Variants in CSNK1G2 observed in about 807,000 individuals in gnomAD.
CSNK1G2 encodes casein kinase 1 gamma 2.
CSNK1G2 carries 11 observed loss-of-function variants against 48.0 expected under a neutral mutation model. The ratio of observed to expected loss-of-function variants is 0.23; its 90% CI spans 0.14 to 0.38. CSNK1G2 has a LOEUF of 0.38. Ranked by LOEUF, CSNK1G2 falls within the 10% of genes least tolerant of loss-of-function variation. The pLI is 1.00. For missense variants in CSNK1G2, 446 were observed against 595.5 expected, an observed-to-expected ratio of 0.75 and a Z score of 2.61; for synonymous variants, 337 against 254.1, an observed-to-expected ratio of 1.33 and a Z score of -3.10.
At chr19:1,948,239 CCCGG>C (rs1265755930) in intron 1 of CSNK1G2, among the ~76,000 whole-genome samples, 1 of 152,184 alleles carries the variant, frequency 6.6e-6, no homozygotes, top group Non-Finnish European at 1.5e-5. Flanking sequence ...AATTAACGAT[CCCGG>C]CCGGGCGTGG....
At chr19:1,958,406 G>T (rs1322559777) in intron 1 of CSNK1G2, among the ~76,000 whole-genome samples, 1 of 151,868 alleles carries the variant, frequency 6.6e-6, no homozygotes, top group Non-Finnish European at 1.5e-5. Flanking sequence ...GCTCCTGCTA[G>T]GTGTCTAGAG....
chr19:1,975,796 G>A, intron 2 of CSNK1G2: 4 of 983,146 alleles, frequency 4.1e-6, no homozygotes, highest in Non-Finnish European at 4.8e-6. Context: ...AACACTTTGG[G>A]AGGCTGATGT....
chr19:1,948,907 CAT>C (rs1382241059), intron 1 of CSNK1G2, among the ~76,000 whole-genome samples: 7 of 152,186 alleles, frequency 4.6e-5, no homozygotes, highest in Non-Finnish European at 7.3e-5. Flanking sequence ...GAGACCAGAA[CAT>C]GTGGAGAAAA....
Position 1,978,738 on chromosome 19 carries a change from C to G in CSNK1G2, c.435C>G (p.Ile145Met). Reference sequence around the variant, plus strand: ...TCACGCTCAAGACGGTGCTGATGATCGCCATCCAGCTGGTGCGCGGCGGGC... The same window carrying G: ...TCACGCTCAAGACGGTGCTGATGATGGCCATCCAGCTGGTGCGCGGCGGGC... Reference protein sequence around the residue: ...RTFTLKTVLMIAIQLITRMEY... With the variant: ...RTFTLKTVLMMAIQLITRMEY... Residue 145 changes from isoleucine to methionine, a missense_variant, in exon 5 of 12, where the codon ATC becomes ATG. By Grantham distance (10) the Ile-to-Met change is conservative. Transcript: ENST00000255641. The surrounding 1 kb of genome is among the most constrained non-coding windows in gnomAD (Gnocchi z 7.3). The G allele has an allele frequency of 6.3e-7, 1 of 1,593,158 alleles. No homozygotes were observed. Among genetic ancestry groups the G allele is most frequent in the Non-Finnish European group, 8.5e-7 (1 of 1,170,054 alleles).
At position 1,979,366 on chromosome 19, in the gene CSNK1G2, C is replaced by T. The variant is rs752677240; in HGVS notation, c.816C>T (p.Arg272=). Residue 272 remains arginine (R), a synonymous_variant, in exon 8 of 12, where the codon CGC becomes CGT. Coordinates refer to ENST00000255641, the MANE Select transcript of CSNK1G2 (RefSeq NM_001319.7). ...ACCAGAAGATCGGGGACACCAAACG[C>T]GCCACGCCCATCGAGGTGCTCTGCG... ...ERYQKIGDTK[R]ATPIEVLCEN... 47 of 1,604,716 alleles carry T rather than the reference C, an allele frequency of 2.9e-5. No individual in the cohort carries two copies. The South Asian group carries it at 4.0e-4, about 14-fold the overall frequency.
chr19:1,979,276 G>T, intron 7 of CSNK1G2, 28 bp downstream of exon 7: 1 of 1,560,660 alleles, frequency 6.4e-7, no homozygotes, highest in East Asian at 2.3e-5. Flanking sequence ...GCAGGCGGGC[G>T]GGGACGCAGG....
chr19:1,975,573 A>AG, intron 2 of CSNK1G2: 1 of 985,464 alleles, frequency 1.0e-6, no homozygotes, highest in Non-Finnish European at 1.2e-6. Flanking sequence ...AGCCCACCGC[A>AG]GGGGCAGCCT....
intron 1 of CSNK1G2, among the ~76,000 whole-genome samples, chr19:1,946,379 C>T (rs1647998789): frequency 2.0e-5 from 3 of 150,726 alleles, no homozygotes; most frequent in African/African-American, 7.3e-5. Flanking sequence ...GCAAGCTCCG[C>T]CTCTTGGGTT....
chr19:1,951,971 G>T (rs577302453), intron 1 of CSNK1G2, among the ~76,000 whole-genome samples: 1 of 152,014 alleles, frequency 6.6e-6, no homozygotes, highest in Non-Finnish European at 1.5e-5. Context: ...AGAGCCACCG[G>T]GCCCGGCCAT....
At chr19:1,975,998 G>A in intron 2 of CSNK1G2, 2 of 1,150,812 alleles carry the variant, frequency 1.7e-6, no homozygotes, top group Non-Finnish European at 2.3e-6. Flanking sequence ...TCGCGCCAGT[G>A]CACTCCAGCC....
rs530792278 is a variant in CSNK1G2, at chr19:1,978,847, G to A, written c.448-12G>A. 6.3e-7 allele frequency: 1 copy of A among 1,597,766 alleles called. No individual in the cohort carries two copies. The highest frequency in any genetic ancestry group is 2.2e-5 in the East Asian group (1 of 44,680). On this transcript the variant is annotated splice_polypyrimidine_tract_variant and intron_variant, in intron 5 of 11. Transcript: ENST00000255641. This position sits in a 1 kb window ranked among gnomAD's most constrained non-coding sequence, Gnocchi z 7.3. ...GGAGGGGCCCGGCCGACACCGCCGT[G>A]CCCCCCTGCAGATCACGCGCATGGA... is the stretch of plus-strand genomic sequence containing the variant.
At chr19:1,949,480 G>T (rs904236162) in intron 1 of CSNK1G2, among the ~76,000 whole-genome samples, 14 of 152,214 alleles carry the variant, frequency 9.2e-5, no homozygotes, top group African/African-American at 2.9e-4. Context: ...TCCGAGTCTC[G>T]CTCCTGTTCG....
intron 8 of CSNK1G2, 43 bp downstream of exon 8, chr19:1,979,446 AC>A (rs1349305636): frequency 2.3e-4 from 90 of 392,102 alleles, no homozygotes; most frequent in Non-Finnish European, 3.4e-4. Flanking sequence ...CCCACCCCCC[AC>A]CCCCCACCCC....
chr19:1,965,462 G>A (rs1049860089), intron 1 of CSNK1G2, among the ~76,000 whole-genome samples: 1 of 151,748 alleles, frequency 6.6e-6, no homozygotes, highest in African/African-American at 2.4e-5. Flanking sequence ...ATGAATGAAT[G>A]AATGACTCGG....
At chr19:1,975,396 G>T (rs979655803) in intron 2 of CSNK1G2, 2 of 985,366 alleles carry the variant, frequency 2.0e-6, no homozygotes, top group African/African-American at 3.5e-5. Context: ...GGGGACGGCT[G>T]CCCGCAGGAA....
At chr19:1,975,801 T>C (rs1338816318) in intron 2 of CSNK1G2, 2 of 976,142 alleles carry the variant, frequency 2.0e-6, no homozygotes, top group Non-Finnish European at 2.4e-6. Context: ...TTTGGGAGGC[T>C]GATGTGGGCG....
intron 2 of CSNK1G2, among the ~76,000 whole-genome samples, chr19:1,973,371 C>T (rs913471595): frequency 4.6e-5 from 7 of 152,110 alleles, no homozygotes; most frequent in East Asian, 1.9e-4. Context: ...CAGGTGCCTG[C>T]CACCACGCCC....
chr19:1,956,073 T>G (rs1051753356), intron 1 of CSNK1G2, among the ~76,000 whole-genome samples: 5 of 152,146 alleles, frequency 3.3e-5, no homozygotes, highest in Non-Finnish European at 7.4e-5. Context: ...CCTGCCCCTT[T>G]CTCATCCTCC....
intron 2 of CSNK1G2, among the ~76,000 whole-genome samples, chr19:1,971,341 G>A (rs1456870283): frequency 6.6e-6 from 1 of 152,228 alleles, no homozygotes; most frequent in Non-Finnish European, 1.5e-5. Flanking sequence ...CTGCGCAGAG[G>A]CTGGGCTTGG....
Sources: gnomAD v4.1 joint callset for allele counts (sites outside exome capture counted in the v4.1 genomes callset) on GRCh38, gnomAD v4.1.1 for gene constraint, Gnocchi (gnomAD v3.1) non-coding constraint, MANE v1.5 for transcripts, NCBI Gene and HGNC (gene_info 2026-07-23, HGNC 2026-07-21) for gene names.